Variants in ANP32B observed in about 807,000 individuals in gnomAD.
ANP32B encodes acidic nuclear phosphoprotein 32 family member B.
In ANP32B, 6 loss-of-function variants were observed where a neutral mutation model predicts 32.2. The observed-to-expected ratio is 0.19, with a 90% CI of 0.10 to 0.37. The LOEUF (loss-of-function observed/expected upper bound fraction) is 0.37. ANP32B is among the 10% of genes least tolerant of loss of function. ANP32B has a pLI of 1.00. For synonymous variants in ANP32B, 98 were observed against 105.8 expected, an observed-to-expected ratio of 0.93 and a Z score of 0.45; for missense variants, 204 against 289.2, an observed-to-expected ratio of 0.71 and a Z score of 2.14.
intron 4 of ANP32B, among the ~76,000 whole-genome samples, chr9:98,007,915 C>G (rs1050315060): frequency 5.9e-5 from 9 of 152,194 alleles, no homozygotes; most frequent in African/African-American, 2.2e-4. Flanking sequence ...GATCACTGGC[C>G]AGAGTTTTTG....
At chr9:98,013,559 G>A (rs1037760230) in intron 6 of ANP32B, among the ~76,000 whole-genome samples, 23 of 152,150 alleles carry the variant, frequency 1.5e-4, no homozygotes, top group Admixed American at 1.5e-3. Flanking sequence ...ACTGTTGAAA[G>A]TATGCCAGCC....
At chr9:97,985,575 G>C (rs1057349945) in intron 1 of ANP32B, among the ~76,000 whole-genome samples, 1 of 152,222 alleles carries the variant, frequency 6.6e-6, no homozygotes, top group African/African-American at 2.4e-5. Context: ...GTAGAATATG[G>C]AGTAGCTAAA....
At chr9:98,010,641 G>T (rs1005965086) in intron 4 of ANP32B, among the ~76,000 whole-genome samples, 1 of 151,948 alleles carries the variant, frequency 6.6e-6, no homozygotes, top group African/African-American at 2.4e-5. Context: ...AGACCAGGAG[G>T]CAGGTGAGAG....
At chr9:97,983,751 G>GGCGCGGAGGGGGGAGCGA (rs1405701372) in intron 1 of ANP32B, 142 bp downstream of exon 1, 1 of 574,128 alleles carries the variant, frequency 1.7e-6, no homozygotes, top group East Asian at 3.5e-5. Flanking sequence ...AAGGCGGGCG[G>GGCGCGGAGGGGGGAGCGA]GCGCGGAGGG....
At chr9:97,984,656 C>G (rs1393350239) in intron 1 of ANP32B, 1 of 150,806 alleles carries the variant, frequency 6.6e-6, no homozygotes, top group African/African-American at 2.4e-5. Context: ...GCCCTCGGCG[C>G]TGGCTGGCGG....
chr9:97,987,377 TGA>T (rs1209966390), intron 1 of ANP32B: 1 of 152,202 alleles, frequency 6.6e-6, no homozygotes, highest in African/African-American at 2.4e-5. Context: ...GGCAGTTCAC[TGA>T]GAGTAAATTG....
Position 98,015,354 on chromosome 9 carries a change from T to A in ANP32B, c.689-10T>A, listed in dbSNP as rs1196954614. The A allele has an allele frequency of 2.6e-6, 4 of 1,550,808 alleles. No individual in the cohort carries two copies. In the South Asian group the frequency reaches 4.8e-5, roughly 18 times the overall value. On this transcript the variant is annotated splice_polypyrimidine_tract_variant and intron_variant, in intron 6 of 6. Transcript: ENST00000339399. Reference sequence around the variant, plus strand: ...CCACTGTCCTAAAGTCAATTTTTGTTACTGTACAGAGGAGGAAGAAGGTGG... The same window carrying A: ...CCACTGTCCTAAAGTCAATTTTTGTAACTGTACAGAGGAGGAAGAAGGTGG...
At chr9:98,012,290 A>G in intron 5 of ANP32B, 131 bp from the exon 6 acceptor site, 2 of 1,118,416 alleles carry the variant, frequency 1.8e-6, no homozygotes, top group Non-Finnish European at 2.5e-6. Flanking sequence ...AGATAAAAAT[A>G]ACATTACAGT....
intron 6 of ANP32B, 145 bp from the exon 7 acceptor site, chr9:98,015,219 C>G (rs903415740): frequency 1.7e-6 from 2 of 1,174,386 alleles, no homozygotes; most frequent in Non-Finnish European, 2.3e-6. Flanking sequence ...CTTATACTTG[C>G]TATTAGTCAC....
At chr9:97,992,370 A>G (rs1240556082) in intron 1 of ANP32B, among the ~76,000 whole-genome samples, 3 of 152,216 alleles carry the variant, frequency 2.0e-5, no homozygotes, top group Admixed American at 2.0e-4. Context: ...GATTACAGGC[A>G]TGAGCCACCA....
At chr9:98,010,990 T>A (rs1029899747) in intron 4 of ANP32B, among the ~76,000 whole-genome samples, 3 of 152,186 alleles carry the variant, frequency 2.0e-5, no homozygotes, top group African/African-American at 7.2e-5. Flanking sequence ...TACCCTTACC[T>A]TCTTCCCCAC....
intron 3 of ANP32B, 69 bp from the exon 4 acceptor site, chr9:98,004,895 T>C (rs1029532851): frequency 2.3e-6 from 3 of 1,314,006 alleles, no homozygotes; most frequent in Non-Finnish European, 3.2e-6. Flanking sequence ...ATTTTACCTC[T>C]TCAAGAGATG....
At chr9:97,983,754 G>A in intron 1 of ANP32B, 145 bp downstream of exon 1, 2 of 561,506 alleles carry the variant, frequency 3.6e-6, no homozygotes, top group Non-Finnish European at 5.5e-6. Context: ...GCGGGCGGGC[G>A]CGGAGGGGGG....
intron 3 of ANP32B, among the ~76,000 whole-genome samples, chr9:98,000,854 G>A (rs1827977564): frequency 1.3e-5 from 2 of 149,794 alleles, no homozygotes; most frequent in Admixed American, 6.7e-5. Context: ...CCCAGGAGGC[G>A]AAGGTTGCAG....
At chr9:98,011,712 T>C (rs1380343923) in intron 5 of ANP32B, among the ~76,000 whole-genome samples, 1 of 152,212 alleles carries the variant, frequency 6.6e-6, no homozygotes, top group Non-Finnish European at 1.5e-5. Context: ...TGTTCCTTCA[T>C]TGAATTGTAG....
Position 98,015,535 on chromosome 9 carries a change from C to G in ANP32B, c.*104C>G. 7.0e-7 allele frequency: 1 copy of G among 1,436,442 alleles called. No homozygotes were observed. Among genetic ancestry groups the G allele is most frequent in the Non-Finnish European group, 9.2e-7 (1 of 1,091,752 alleles). The allele number at this position is 1,436,442 out of a possible 1,614,324, so 89.0% of individuals were successfully genotyped here. A position where few individuals can be genotyped will look rare whatever the true frequency, so the allele number is the denominator to read the frequency against. ...AAAAAAAGGTAGCTGTGATACAAAC[C>G]CCAGGACACCCACCCACCCAAAGAG... On this transcript the variant is annotated 3_prime_UTR_variant, in exon 7 of 7. Coordinates refer to ENST00000339399, the MANE Select transcript of ANP32B (RefSeq NM_006401.3).
At chr9:98,006,000 C>G (rs765690032) in intron 4 of ANP32B, among the ~76,000 whole-genome samples, 2 of 152,106 alleles carry the variant, frequency 1.3e-5, no homozygotes, top group African/African-American at 2.4e-5. Context: ...GTATTAGATT[C>G]TCATAGGAAC....
At chr9:97,984,083 G>A (rs1216323860) in intron 1 of ANP32B, among the ~76,000 whole-genome samples, 2 of 149,836 alleles carry the variant, frequency 1.3e-5, no homozygotes, top group African/African-American at 4.9e-5. Flanking sequence ...GGTGGGGCGG[G>A]ACGGGGGCTC....
chr9:97,988,192 C>T (rs1827769030), intron 1 of ANP32B, among the ~76,000 whole-genome samples: 1 of 151,880 alleles, frequency 6.6e-6, no homozygotes, highest in South Asian at 2.1e-4. Flanking sequence ...ATTTTATAGA[C>T]TCATTATTAA....
Sources: allele counts gnomAD v4.1 joint callset (sites outside exome capture counted in the v4.1 genomes callset), GRCh38; gene constraint gnomAD v4.1.1; transcripts MANE v1.5; gene names NCBI Gene and HGNC (gene_info 2026-07-23, HGNC 2026-07-21).